The following EIF2S3B variants were observed in gnomAD, a reference collection of about 807,000 sequenced individuals.
EIF2S3B encodes the protein eukaryotic translation initiation factor 2 subunit gamma B, also known as eukaryotic translation initiation factor 2 subunit 3B.
A neutral mutation model predicts 26.4 loss-of-function variants in EIF2S3B; 16 were observed. The ratio of observed to expected loss-of-function variants is 0.61; its 90% confidence interval spans 0.41 to 0.92. EIF2S3B has a LOEUF of 0.92. EIF2S3B is among the 40% of genes least tolerant of loss of function. EIF2S3B has a pLI of 0.00. For missense variants in EIF2S3B, 510 were observed against 575.5 expected, an observed-to-expected ratio of 0.89 and a Z score of 1.16; for synonymous variants, 183 against 204.4, an observed-to-expected ratio of 0.90 and a Z score of 0.89.
intron 1 of EIF2S3B, among the ~76,000 whole-genome samples, chr12:10,515,127 C>T (rs955205454): frequency 6.6e-6 from 1 of 152,100 alleles, no homozygotes; most frequent in East Asian, 1.9e-4. Flanking sequence ...TCATATTCTT[C>T]ACTCCATCTA....
Position 10,507,387 on chromosome 12 carries a change from G to A in EIF2S3B, c.*66G>A, listed in dbSNP as rs1364198859. ...TTGCAATTTCTCTTTAACAACCAAG[G>A]GGTTTATTTTCAAAGCGATATTGGG... On this transcript the variant is annotated 3_prime_UTR_variant, in exon 1 of 1. Transcript: ENST00000538173. 11 of 1,575,316 alleles carry A rather than the reference G, an allele frequency of 7.0e-6. No individual in the cohort carries two copies. Among genetic ancestry groups the A allele is most frequent in the East Asian group, 6.7e-5 (3 of 44,686 alleles).
chr12:10,507,010 G>C lies in EIF2S3B; in HGVS notation c.1108G>C (p.Glu370Gln). ...CGGAGCTTTACCTGAGATATTCACA[G>C]AATTGGAAATTTCCTATTTCCTGCT... ...AVGALPEIFT[E>Q]LEISYFLLRR... is the part of the protein sequence containing the mutation. The change falls in exon 1 of 1, where the codon GAA becomes CAA. Residue 370 changes from glutamate (E) to glutamine (Q), a missense_variant. Transcript: ENST00000538173. The C allele has an allele frequency of 6.2e-7, 1 of 1,613,808 alleles. No homozygotes were observed. Among genetic ancestry groups the C allele is most frequent in the East Asian group, 2.2e-5 (1 of 44,880 alleles).
chr12:10,513,597 C>T (rs980009236), intron 1 of EIF2S3B, among the ~76,000 whole-genome samples: 2 of 152,176 alleles, frequency 1.3e-5, no homozygotes, highest in Non-Finnish European at 1.5e-5. Flanking sequence ...CATTGTTGTA[C>T]TTATGCAAAT....
downstream of EIF2S3B, among the ~76,000 whole-genome samples, chr12:10,510,968 G>A (rs1864698918): frequency 6.6e-6 from 1 of 152,014 alleles, no homozygotes; most frequent in African/African-American, 2.4e-5. Context: ...TGACAATAGG[G>A]TCTTCTTTAG....
At chr12:10,515,738 C>T (rs1403001206) in intron 1 of EIF2S3B, among the ~76,000 whole-genome samples, 1 of 151,578 alleles carries the variant, frequency 6.6e-6, no homozygotes, top group Non-Finnish European at 1.5e-5. Flanking sequence ...TATGCAAACC[C>T]CATTTTACAC....
chr12:10,511,372 G>A (rs1208637490), downstream of EIF2S3B, among the ~76,000 whole-genome samples: 2 of 151,974 alleles, frequency 1.3e-5, no homozygotes, highest in African/African-American at 4.8e-5. Context: ...GCCCAGGCTG[G>A]TCTCAAACTC....
intron 1 of EIF2S3B, among the ~76,000 whole-genome samples, chr12:10,514,303 A>G (rs929813846): frequency 6.6e-6 from 1 of 152,024 alleles, no homozygotes; most frequent in Admixed American, 6.6e-5. Context: ...TATCCTAAAG[A>G]TCATCATTCT....
intron 1 of EIF2S3B, among the ~76,000 whole-genome samples, chr12:10,521,265 T>C (rs1320826391): frequency 6.6e-6 from 1 of 152,190 alleles, no homozygotes; most frequent in African/African-American, 2.4e-5. Context: ...TAACTGGATC[T>C]CATGAATCTT....
intron 1 of EIF2S3B, among the ~76,000 whole-genome samples, chr12:10,513,870 C>T (rs912871600): frequency 6.6e-6 from 1 of 152,020 alleles, no homozygotes; most frequent in African/African-American, 2.4e-5. Context: ...CAAAAATTAG[C>T]TGGGCATGGT....
At chr12:10,511,276 TATC>T (rs1369505494), downstream of EIF2S3B, among the ~76,000 whole-genome samples, 1 of 152,108 alleles carries the variant, frequency 6.6e-6, no homozygotes, top group Non-Finnish European at 1.5e-5. Context: ...ATAAAGTTAA[TATC>T]ATGAATGGGT....
chr12:10,516,759 G>A, intron 1 of EIF2S3B, among the ~76,000 whole-genome samples: 1 of 151,938 alleles, frequency 6.6e-6, no homozygotes, highest in Non-Finnish European at 1.5e-5. Flanking sequence ...GTCATAGATA[G>A]CTCTTATTAT....
chr12:10,522,868 C>T (rs1470514177), exon 2 of EIF2S3B: 3 of 471,182 alleles, frequency 6.4e-6, no homozygotes, highest in Non-Finnish European at 1.1e-5. Flanking sequence ...CAGCCCTACA[C>T]CTGGACTTCA....
At chr12:10,520,728 A>G (rs1252641500) in intron 1 of EIF2S3B, among the ~76,000 whole-genome samples, 1 of 152,128 alleles carries the variant, frequency 6.6e-6, no homozygotes, top group Non-Finnish European at 1.5e-5. Context: ...CTCCTCACTC[A>G]TATCTGAGGG....
rs191320435 is a variant in EIF2S3B at position 10,515,720 on chromosome 12, A to G, written c.1309-6883A>G. On this transcript the variant is annotated intron_variant, in intron 1 of 1. Transcript: ENST00000322446. ...TAATAATCAAAGATTCTCCCAACTC[A>G]CTGGTCATATGCAAACCCCATTTTA... 4.0e-3 allele frequency among the ~76,000 whole-genome samples: 608 copies of G among 151,884 alleles called. 3 individuals carry two copies. The highest frequency in any genetic ancestry group is 6.9e-3 in the Non-Finnish European group (465 of 67,868).
intron 1 of EIF2S3B, among the ~76,000 whole-genome samples, chr12:10,521,625 G>A (rs1009660660): frequency 7.2e-5 from 11 of 151,922 alleles, no homozygotes; most frequent in African/African-American, 2.7e-4. Context: ...AAATAAATAA[G>A]AAAAAGAATC....
At chr12:10,520,780 A>T (rs904947650) in intron 1 of EIF2S3B, among the ~76,000 whole-genome samples, 2 of 152,180 alleles carry the variant, frequency 1.3e-5, no homozygotes, top group Admixed American at 6.6e-5. Context: ...CGAACAGCAT[A>T]ATTCTTCAGT....
intron 1 of EIF2S3B, among the ~76,000 whole-genome samples, chr12:10,519,160 G>A (rs1257644097): frequency 1.3e-5 from 2 of 152,034 alleles, no homozygotes; most frequent in Admixed American, 6.6e-5. Flanking sequence ...CCAAAACAGC[G>A]ATATAGATCA....
downstream of EIF2S3B, among the ~76,000 whole-genome samples, chr12:10,511,803 GA>G (rs1399578079): frequency 6.6e-6 from 1 of 152,058 alleles, no homozygotes; most frequent in Non-Finnish European, 1.5e-5. Flanking sequence ...TGTGCAAAAG[GA>G]AAGTTAAGAT....
chr12:10,519,151 C>A (rs1325562031), intron 1 of EIF2S3B, among the ~76,000 whole-genome samples: 1 of 152,124 alleles, frequency 6.6e-6, no homozygotes, highest in African/African-American at 2.4e-5. Flanking sequence ...GTACTGGTAC[C>A]AAAACAGCGA....
Sources: allele counts gnomAD v4.1 joint callset (sites outside exome capture counted in the v4.1 genomes callset), GRCh38; gene constraint gnomAD v4.1.1; transcripts MANE v1.5; gene names NCBI Gene and HGNC (gene_info 2026-07-23, HGNC 2026-07-21).